Variants in TNFRSF8 observed in about 807,000 individuals in gnomAD.
The protein encoded by TNFRSF8 is tumor necrosis factor receptor superfamily member 8.
In TNFRSF8, 26 loss-of-function variants were observed where a neutral mutation model predicts 70.8. That is an observed-to-expected ratio of 0.37 (90% CI 0.27 to 0.51). The LOEUF (loss-of-function observed/expected upper bound fraction) is 0.51, where lower values mean the gene tolerates loss of function less well. Ranked by LOEUF, TNFRSF8 falls within the 20% of genes least tolerant of loss-of-function variation. TNFRSF8 has a pLI of 0.94. For synonymous variants in TNFRSF8, 356 were observed against 339.2 expected (o/e 1.05, Z -0.54); for missense variants, 720 against 807.9 (o/e 0.89, Z 1.32).
rs543036941 is a variant in TNFRSF8 at position 12,088,072 on chromosome 1, G to A, written c.151+3521G>A. Among the ~76,000 whole-genome samples, 10 of 152,270 alleles carry A rather than the reference G, an allele frequency of 6.6e-5. No individual in the cohort carries two copies. Among genetic ancestry groups the A allele is most frequent in the African/African-American group, 1.9e-4 (8 of 41,574 alleles). On this transcript the variant is annotated intron_variant, in intron 2 of 14. Transcript: ENST00000263932. The surrounding 1 kb of genome is among the most constrained non-coding windows in gnomAD (Gnocchi z 4.0). ...GCAGCCAGCACTCAGCTGTGTGGCC[G>A]GGTTTGCTTGTGGGCGGGTTGGTGG...
Position 12,142,607 on chromosome 1 carries a change from G to A in TNFRSF8, c.*76G>A, listed in dbSNP as rs1245149699. The A allele has an allele frequency of 4.0e-6, 6 of 1,507,172 alleles. No individual in the cohort carries two copies. The East Asian group carries it at 7.4e-5, about 19-fold the overall frequency. 93.4% of individuals were successfully genotyped at this position (1,507,172 alleles called of 1,614,324 possible). ...CCAGGATGGCACTGTTGGCACCGAGGTTGGGGGCAGAGGCCCATCTGGCCT... is the reference window on the plus strand; with the variant it reads ...CCAGGATGGCACTGTTGGCACCGAGATTGGGGGCAGAGGCCCATCTGGCCT... On this transcript the variant is annotated 3_prime_UTR_variant, in exon 15 of 15. Coordinates refer to ENST00000263932, the MANE Select transcript of TNFRSF8 (RefSeq NM_001243.5). This position sits in a 1 kb window ranked among gnomAD's most constrained non-coding sequence, Gnocchi z 5.0.
At chr1:12,087,141 A>C (rs1641168016) in intron 2 of TNFRSF8, among the ~76,000 whole-genome samples, 1 of 141,402 alleles carries the variant, frequency 7.1e-6, no homozygotes, top group African/African-American at 2.7e-5. Context: ...TCCATCCAAC[A>C]AATTTTTATT....
intron 12 of TNFRSF8, among the ~76,000 whole-genome samples, chr1:12,130,546 C>G (rs987495584): frequency 6.6e-5 from 10 of 152,226 alleles, no homozygotes; most frequent in Admixed American, 2.6e-4. Flanking sequence ...CCAAATTCCC[C>G]CCTTGGGCCT....
chr1:12,106,946 C>T (rs1307381596), intron 4 of TNFRSF8, among the ~76,000 whole-genome samples: 1 of 152,184 alleles, frequency 6.6e-6, no homozygotes, highest in Non-Finnish European at 1.5e-5. Context: ...ATCTTGAGTT[C>T]AGTTGTTCCA....
At chr1:12,136,485 C>G (rs1642146698) in intron 13 of TNFRSF8, among the ~76,000 whole-genome samples, 1 of 151,938 alleles carries the variant, frequency 6.6e-6, no homozygotes, top group Non-Finnish European at 1.5e-5. Flanking sequence ...CCCGTCTCTA[C>G]TAAAACTACA....
intron 8 of TNFRSF8, among the ~76,000 whole-genome samples, chr1:12,116,190 A>T (rs1383848915): frequency 6.6e-6 from 1 of 151,962 alleles, no homozygotes; most frequent in African/African-American, 2.4e-5. Flanking sequence ...CATGTTGGTC[A>T]GGCTGGTCTC....
intron 2 of TNFRSF8, among the ~76,000 whole-genome samples, chr1:12,085,145 T>C (rs1037246375): frequency 3.3e-5 from 5 of 152,132 alleles, no homozygotes; most frequent in Non-Finnish European, 5.9e-5. Context: ...AGTTTTGCTC[T>C]TGTTGCCCAG....
Position 12,138,164 on chromosome 1 carries a change from CCCAGT to C in TNFRSF8, c.1336-64_1336-60del, listed in dbSNP as rs1642181728. On this transcript the variant is annotated intron_variant, in intron 13 of 14. Coordinates refer to ENST00000263932, the MANE Select transcript of TNFRSF8 (RefSeq NM_001243.5). This position sits in a 1 kb window ranked among gnomAD's most constrained non-coding sequence, Gnocchi z 5.7. ...TAGAGATGAAAAAAAAAAGGGGCCTCCCAGTTCAGAGACTGGTGGGGAGGTTGGGG... is the reference window on the plus strand; with the variant it reads ...TAGAGATGAAAAAAAAAAGGGGCCTCTCAGAGACTGGTGGGGAGGTTGGGG... The C allele has an allele frequency of 6.5e-7, 1 of 1,534,852 alleles. No homozygotes were observed. The highest frequency in any genetic ancestry group is 2.3e-5 in the East Asian group (1 of 44,180).
chr1:12,101,265 A>G (rs1641418228), intron 3 of TNFRSF8, among the ~76,000 whole-genome samples: 2 of 151,900 alleles, frequency 1.3e-5, no homozygotes, highest in African/African-American at 2.4e-5. Context: ...ATCTCTACAC[A>G]AGATAAAATA....
chr1:12,124,092 C>G (rs575541641), intron 10 of TNFRSF8, among the ~76,000 whole-genome samples: 45 of 152,328 alleles, frequency 3.0e-4, no homozygotes, highest in African/African-American at 1.0e-3. Context: ...GCAACCTCCA[C>G]CTCCCAGGTT....
chr1:12,132,605 A>C (rs1356455979), intron 12 of TNFRSF8, among the ~76,000 whole-genome samples: 1 of 152,194 alleles, frequency 6.6e-6, no homozygotes, highest in Non-Finnish European at 1.5e-5. Context: ...TGGGAGGCCA[A>C]GCCTGGCAGA....
chr1:12,115,542 G>A (rs1372318204), intron 7 of TNFRSF8, 35 bp from the exon 8 acceptor site: 1 of 1,613,964 alleles, frequency 6.2e-7, no homozygotes. Context: ...TTGCCATACT[G>A]ATCTTTCTCC....
Position 12,142,498 on chromosome 1 carries a change from A to C in TNFRSF8, c.1755A>C (p.Glu585Asp), listed in dbSNP as rs149429293. Reference protein sequence around the residue: ...VMLSVEEEGKEDPLPTAASGK With the variant: ...VMLSVEEEGKDDPLPTAASGK ...TCTCAGTGGAAGAGGAAGGGAAAGAAGACCCCTTGCCCACAGCTGCCTCTG... is the reference window on the plus strand; with the variant it reads ...TCTCAGTGGAAGAGGAAGGGAAAGACGACCCCTTGCCCACAGCTGCCTCTG... Residue 585 changes from glutamate (E) to aspartate (D), a missense_variant, in exon 15 of 15, where the codon GAA (glutamate) becomes GAC (aspartate). Glu to Asp is a conservative substitution (Grantham distance 45). Transcript: ENST00000263932. This position sits in a 1 kb window ranked among gnomAD's most constrained non-coding sequence, Gnocchi z 5.0. The C allele has an allele frequency of 4.1e-4, 651 of 1,588,252 alleles. 1 individual carries two copies. In the African/African-American group the frequency reaches 7.8e-3, roughly 19 times the overall value.
chr1:12,075,866 A>T (rs539839451), intron 1 of TNFRSF8, among the ~76,000 whole-genome samples: 26 of 152,244 alleles, frequency 1.7e-4, no homozygotes, highest in Admixed American at 1.6e-3. Flanking sequence ...GACACCTCCA[A>T]CCAGAAACAT....
rs1486832259 is a variant in TNFRSF8, at chr1:12,112,570, T to C, written c.793+556T>C. Among the ~76,000 whole-genome samples, 1 of 152,106 alleles carries C rather than the reference T, an allele frequency of 6.6e-6. No homozygotes were observed. Among genetic ancestry groups the C allele is most frequent in the Non-Finnish European group, 1.5e-5 (1 of 68,016 alleles). ...ATGCCTGGCTAATTAAAAAAAATTT[T>C]TTTTCATACAGATGGGGGTCTCACT... On this transcript the variant is annotated intron_variant, in intron 7 of 14. Coordinates refer to ENST00000263932, the MANE Select transcript of TNFRSF8 (RefSeq NM_001243.5). The surrounding 1 kb of genome is among the most constrained non-coding windows in gnomAD (Gnocchi z 5.3).
intron 2 of TNFRSF8, among the ~76,000 whole-genome samples, chr1:12,095,999 A>G (rs1038078726): frequency 1.3e-5 from 2 of 152,218 alleles, no homozygotes; most frequent in Non-Finnish European, 2.9e-5. Context: ...TAGCCCTTTC[A>G]GCCAGGAATC....
intron 12 of TNFRSF8, among the ~76,000 whole-genome samples, chr1:12,133,360 G>T (rs1039554018): frequency 4.6e-5 from 7 of 150,860 alleles, no homozygotes; most frequent in Non-Finnish European, 1.0e-4. Context: ...CACCCCCAGT[G>T]ACTTGGTACC....
At chr1:12,097,860 G>A (rs895180490) in intron 3 of TNFRSF8, among the ~76,000 whole-genome samples, 1 of 152,086 alleles carries the variant, frequency 6.6e-6, no homozygotes, top group Non-Finnish European at 1.5e-5. Context: ...TGTGTATTCT[G>A]TTTGTTGCGT....
chr1:12,089,828 C>T lies in TNFRSF8; in HGVS notation c.151+5277C>T, dbSNP rs566467594. On this transcript the variant is annotated intron_variant, in intron 2 of 14. Coordinates refer to ENST00000263932, the MANE Select transcript of TNFRSF8 (RefSeq NM_001243.5). Reference sequence around the variant, plus strand: ...ACCCATCCATCCATCCGTTCATCTACACATCCATCTACCCATCCACCCATC... The same window carrying T: ...ACCCATCCATCCATCCGTTCATCTATACATCCATCTACCCATCCACCCATC... Among the ~76,000 whole-genome samples the T allele has an allele frequency of 4.6e-5, 7 of 152,020 alleles. No individual in the cohort carries two copies. In the South Asian group the frequency reaches 1.5e-3, roughly 32 times the overall value.
Sources: gnomAD v4.1 joint callset for allele counts (sites outside exome capture counted in the v4.1 genomes callset) on GRCh38, gnomAD v4.1.1 for gene constraint, Gnocchi (gnomAD v3.1) non-coding constraint, MANE v1.5 for transcripts, NCBI Gene and HGNC (gene_info 2026-07-23, HGNC 2026-07-21) for gene names.